SAMMSON: variants seen among roughly 807,000 people sequenced by gnomAD.
The protein encoded by SAMMSON is survival associated mitochondrial melanoma specific oncogenic non-coding RNA, also known as long intergenic non-protein coding RNA 1212.
At chr3:70,341,640 A>T (rs1017521692) in intron 7 of SAMMSON, among the ~76,000 whole-genome samples, 1 of 152,140 alleles carries the variant, frequency 6.6e-6, no homozygotes, top group African/African-American at 2.4e-5. Context: ...GACTTTTTCC[A>T]CTTGACTATT....
At chr3:70,388,659 A>C (rs1205793176) in intron 9 of SAMMSON, among the ~76,000 whole-genome samples, 3 of 152,200 alleles carry the variant, frequency 2.0e-5, no homozygotes, top group Non-Finnish European at 4.4e-5. Flanking sequence ...TATGGGAAAC[A>C]GCCAGGGTAA....
At chr3:70,321,439 A>G (rs1321920584) in intron 7 of SAMMSON, among the ~76,000 whole-genome samples, 2 of 151,996 alleles carry the variant, frequency 1.3e-5, no homozygotes, top group African/African-American at 2.4e-5. Context: ...ACTTATTTTT[A>G]TTGTATTCCA....
At chr3:70,290,349 G>T (rs1446423894) in intron 6 of SAMMSON, among the ~76,000 whole-genome samples, 1 of 152,180 alleles carries the variant, frequency 6.6e-6, no homozygotes, top group Non-Finnish European at 1.5e-5. Flanking sequence ...CCTGTTGGGG[G>T]GTGCCTCCCA....
chr3:70,382,159 G>A (rs559561932), intron 9 of SAMMSON, among the ~76,000 whole-genome samples: 1 of 152,182 alleles, frequency 6.6e-6, no homozygotes, highest in East Asian at 1.9e-4. Flanking sequence ...GTATATAAAG[G>A]TTCAGTTTCT....
At chr3:70,026,974 A>G (rs1053829891) in intron 3 of SAMMSON, among the ~76,000 whole-genome samples, 4 of 152,214 alleles carry the variant, frequency 2.6e-5, no homozygotes, top group Non-Finnish European at 5.9e-5. Flanking sequence ...CCCAGTGCTT[A>G]AAATGAGAAA....
At chr3:70,006,517 C>G (rs1190902095) in intron 1 of SAMMSON, among the ~76,000 whole-genome samples, 1 of 152,132 alleles carries the variant, frequency 6.6e-6, no homozygotes, top group Non-Finnish European at 1.5e-5. Flanking sequence ...GGATTTGTAC[C>G]CAGGTCTTAG....
At chr3:70,380,260 G>A (rs182037088) in intron 9 of SAMMSON, among the ~76,000 whole-genome samples, 25 of 152,136 alleles carry the variant, frequency 1.6e-4, no homozygotes, top group Admixed American at 1.3e-4. Context: ...ATTAAAGTAT[G>A]TTTATGTAGG....
chr3:70,081,199 C>T (rs1179222566), intron 4 of SAMMSON, among the ~76,000 whole-genome samples: 7 of 152,138 alleles, frequency 4.6e-5, no homozygotes, highest in African/African-American at 1.4e-4. Flanking sequence ...CTGCAAGCTC[C>T]GCCTCCAGGC....
chr3:70,168,127 A>G (rs1467153580), intron 4 of SAMMSON, among the ~76,000 whole-genome samples: 1 of 151,986 alleles, frequency 6.6e-6, no homozygotes, highest in Non-Finnish European at 1.5e-5. Context: ...CAGTTTTCCT[A>G]TTCCATCTTT....
At chr3:70,153,231 CTT>C (rs761636780) in intron 4 of SAMMSON, among the ~76,000 whole-genome samples, 2 of 151,982 alleles carry the variant, frequency 1.3e-5, no homozygotes, top group East Asian at 1.9e-4. Context: ...TTTTAAATGA[CTT>C]TACAAAGTCA....
intron 6 of SAMMSON, among the ~76,000 whole-genome samples, chr3:70,258,248 A>G (rs533422140): frequency 5.9e-5 from 9 of 152,286 alleles, no homozygotes; most frequent in African/African-American, 2.2e-4. Flanking sequence ...AATTTCTTAG[A>G]TCAGACACCA....
chr3:70,266,464 A>C (rs1253200568), intron 6 of SAMMSON, among the ~76,000 whole-genome samples: 1 of 152,084 alleles, frequency 6.6e-6, no homozygotes, highest in East Asian at 1.9e-4. Flanking sequence ...TCTGTCACCC[A>C]GGCTGGAGAG....
At chr3:70,214,156 C>G (rs1193661220) in intron 4 of SAMMSON, among the ~76,000 whole-genome samples, 4 of 151,894 alleles carry the variant, frequency 2.6e-5, no homozygotes, top group Non-Finnish European at 5.9e-5. Context: ...TAAGACAAAA[C>G]CTTGGGTTCA....
chr3:70,034,504 G>A (rs1366033875), intron 3 of SAMMSON, among the ~76,000 whole-genome samples: 1 of 152,116 alleles, frequency 6.6e-6, no homozygotes, highest in Non-Finnish European at 1.5e-5. Flanking sequence ...TGATCTGTGG[G>A]TGATTTGAAC....
intron 4 of SAMMSON, among the ~76,000 whole-genome samples, chr3:70,122,870 A>G (rs2067440766): frequency 6.6e-6 from 1 of 152,070 alleles, no homozygotes; most frequent in African/African-American, 2.4e-5. Context: ...AATTTTTCCA[A>G]CCTTACTGTT....
At chr3:70,387,445 T>C (rs1327579891) in intron 9 of SAMMSON, among the ~76,000 whole-genome samples, 2 of 152,126 alleles carry the variant, frequency 1.3e-5, no homozygotes, top group Non-Finnish European at 2.9e-5. Flanking sequence ...TTGTGGCATA[T>C]TTTTGAAATT....
intron 9 of SAMMSON, among the ~76,000 whole-genome samples, chr3:70,387,756 A>T (rs904232655): frequency 2.0e-5 from 3 of 152,060 alleles, no homozygotes; most frequent in Non-Finnish European, 4.4e-5. Context: ...ATTCTTATGG[A>T]TATATTCTTA....
At chr3:70,108,815 A>G (rs918854726) in intron 4 of SAMMSON, among the ~76,000 whole-genome samples, 27 of 152,058 alleles carry the variant, frequency 1.8e-4, no homozygotes, top group African/African-American at 6.3e-4. Context: ...TGGCATTTTG[A>G]TCTTGAACTT....
At chr3:70,308,366 A>G (rs1161125927) in intron 7 of SAMMSON, among the ~76,000 whole-genome samples, 1 of 152,116 alleles carries the variant, frequency 6.6e-6, no homozygotes, top group Non-Finnish European at 1.5e-5. Flanking sequence ...AATGCTGCAT[A>G]TTTTTAAATC....
Sources: gnomAD v4.1 joint callset for allele counts (sites outside exome capture counted in the v4.1 genomes callset) on GRCh38, gnomAD v4.1.1 for gene constraint, MANE v1.5 for transcripts, NCBI Gene and HGNC (gene_info 2026-07-23, HGNC 2026-07-21) for gene names.